The following SGCD variants were observed in gnomAD, a reference collection of about 807,000 sequenced individuals.
The protein encoded by SGCD is sarcoglycan delta.
Under a neutral mutation model 36.6 loss-of-function variants are expected in SGCD, and 18 were observed. That is an observed-to-expected ratio of 0.49 (90% confidence interval 0.34 to 0.73). SGCD has a LOEUF of 0.73. Ranked by LOEUF, SGCD falls within the 30% of genes least tolerant of loss-of-function variation. The pLI is 0.01. For synonymous variants in SGCD, 133 were observed against 130.6 expected (o/e 1.02, Z -0.12); for missense variants, 387 against 346.7 (o/e 1.12, Z -0.92).
At chr5:156,334,992 C>G (rs1263876548) in intron 2 of SGCD, among the ~76,000 whole-genome samples, 1 of 152,172 alleles carries the variant, frequency 6.6e-6, no homozygotes, top group Non-Finnish European at 1.5e-5. Flanking sequence ...AGTTCAGACC[C>G]TAACCAAGTT....
intron 1 of SGCD, among the ~76,000 whole-genome samples, chr5:156,102,602 T>A (rs921315462): frequency 6.6e-6 from 1 of 152,206 alleles, no homozygotes; most frequent in Admixed American, 6.5e-5. Context: ...TTCTGAGAAA[T>A]GTCTCCAAAG....
intron 6 of SGCD, among the ~76,000 whole-genome samples, chr5:156,600,236 C>A (rs975135746): frequency 6.6e-6 from 1 of 152,168 alleles, no homozygotes; most frequent in Non-Finnish European, 1.5e-5. Context: ...CACCCTCCTG[C>A]ACAATAGAAC....
chr5:156,285,351 A>T (rs1766565158), intron 3 of SGCD, among the ~76,000 whole-genome samples: 1 of 152,200 alleles, frequency 6.6e-6, no homozygotes, highest in Non-Finnish European at 1.5e-5. Context: ...ACCCAAAAAG[A>T]GCCTGCATTG....
intron 3 of SGCD, among the ~76,000 whole-genome samples, chr5:156,271,203 A>T: frequency 6.6e-6 from 1 of 152,198 alleles, no homozygotes; most frequent in East Asian, 1.9e-4. Flanking sequence ...TTTGGAGAAT[A>T]TCAAGGGTGG....
the SGCD span, among the ~76,000 whole-genome samples, chr5:155,849,420 C>G: frequency 1.3e-5 from 2 of 151,552 alleles, no homozygotes; most frequent in Admixed American, 1.3e-4. Context: ...CACCACCCCC[C>G]TCCACACACA....
chr5:156,330,329 A>G (rs760693089), intron 2 of SGCD, among the ~76,000 whole-genome samples: 3 of 152,164 alleles, frequency 2.0e-5, no homozygotes, highest in Non-Finnish European at 4.4e-5. Context: ...ACGTGCTGGT[A>G]CTGGGGGCAG....
At chr5:155,913,567 AC>A (rs1756675472) in intron 1 of SGCD, among the ~76,000 whole-genome samples, 1 of 152,096 alleles carries the variant, frequency 6.6e-6, no homozygotes, top group Non-Finnish European at 1.5e-5. Context: ...TCAATTAAAA[AC>A]GTTATCATAT....
intron 3 of SGCD, among the ~76,000 whole-genome samples, chr5:156,374,769 C>T (rs963590657): frequency 2.0e-5 from 3 of 149,764 alleles, no homozygotes; most frequent in African/African-American, 7.4e-5. Context: ...TCACGCCATT[C>T]TCCCAAAGCA....
rs180885312 is a variant in SGCD, at chr5:156,653,313, C to T, written c.575+5777C>T. ...TCGGGGTTTCAACTTCTTCCTGATT[C>T]AACCTTGGGAGGTTGTGTATTTCCA... On this transcript the variant is annotated intron_variant, in intron 7 of 8. Coordinates refer to ENST00000337851, the MANE Select transcript of SGCD (RefSeq NM_000337.6). Among the ~76,000 whole-genome samples, 7 of 151,970 alleles carry T rather than the reference C, an allele frequency of 4.6e-5. No homozygotes were observed. In the East Asian group the frequency reaches 1.4e-3, roughly 29 times the overall value.
In SGCD at chr5:156,545,475, G is replaced by A. The variant is rs370970572; in HGVS notation, c.294+36773G>A. Among the ~76,000 whole-genome samples, 19 of 152,032 alleles carry A rather than the reference G, an allele frequency of 1.2e-4. No individual in the cohort carries two copies. The East Asian group carries it at 1.4e-3, about 11-fold the overall frequency. On this transcript the variant is annotated intron_variant, in intron 4 of 8. Transcript: ENST00000337851. ...GACAATTTTTTCATGGACGGGAGTC[G>A]GGGTTGGGGGATGAGGGGGTAGTTG...
intron 3 of SGCD, among the ~76,000 whole-genome samples, chr5:156,477,704 A>T (rs1177055810): frequency 1.3e-5 from 2 of 150,868 alleles, no homozygotes; most frequent in Non-Finnish European, 3.0e-5. Flanking sequence ...AAAAAAAAAA[A>T]GTGATGTCAA....
chr5:156,575,884 A>G (rs1759922959), intron 4 of SGCD, among the ~76,000 whole-genome samples: 1 of 152,150 alleles, frequency 6.6e-6, no homozygotes, highest in Non-Finnish European at 1.5e-5. Flanking sequence ...AGGGGAGAGT[A>G]TATTGAATTG....
chr5:156,554,599 A>G (rs571744561), intron 4 of SGCD, among the ~76,000 whole-genome samples: 1 of 149,290 alleles, frequency 6.7e-6, no homozygotes, highest in Non-Finnish European at 1.5e-5. Context: ...GTATATATAT[A>G]TGCATATAAC....
At position 156,084,354 on chromosome 5, in the gene SGCD, G is replaced by C. The variant is rs867733453; in HGVS notation, c.-281-33524G>C. Among the ~76,000 whole-genome samples the C allele has an allele frequency of 4.6e-5, 7 of 152,132 alleles. 1 individual carries two copies. The highest frequency in any genetic ancestry group is 7.4e-5 in the Non-Finnish European group (5 of 68,022). ...CACAGTATTTCATTTTCTTATGAATGACTATAGATGGTGTTATTGCTTAAT... is the reference window on the plus strand; with the variant it reads ...CACAGTATTTCATTTTCTTATGAATCACTATAGATGGTGTTATTGCTTAAT... On this transcript the variant is annotated intron_variant, in intron 1 of 9. Coordinates refer to the SGCD transcript ENST00000517913.
intron 6 of SGCD, among the ~76,000 whole-genome samples, chr5:156,615,180 G>C (rs1038470345): frequency 1.3e-5 from 2 of 152,134 alleles, no homozygotes; most frequent in Non-Finnish European, 2.9e-5. Context: ...CAACTAAGAG[G>C]CATCTTCAGT....
rs536085314 is a variant in SGCD, at chr5:156,762,145, C to T, written c.*2755C>T. ...TTTTACATTAAAAATCTACTAACGC[C>T]TACTTTTTAAAAAATGAGATTCTTT... is the stretch of plus-strand genomic sequence containing the variant. On this transcript the variant is annotated 3_prime_UTR_variant, in exon 9 of 9. Transcript: ENST00000337851. 55 of 152,530 alleles carry T rather than the reference C, an allele frequency of 3.6e-4. No individual in the cohort carries two copies. Among genetic ancestry groups the T allele is most frequent in the African/African-American group, 1.3e-3 (54 of 41,478 alleles). 9.4% of individuals were successfully genotyped at this position (152,530 alleles called of 1,614,324 possible).
the SGCD span, among the ~76,000 whole-genome samples, chr5:155,844,449 G>GTGTGTGTGTGTGTT: frequency 6.6e-6 from 1 of 151,826 alleles, no homozygotes; most frequent in Middle Eastern, 3.2e-3. Context: ...GTGTGTGTGT[G>GTGTGTGTGTGTGTT]TGTGTGTTAT....
At chr5:155,731,219 G>C in the SGCD span, among the ~76,000 whole-genome samples, 1 of 151,986 alleles carries the variant, frequency 6.6e-6, no homozygotes, top group African/African-American at 2.4e-5. Flanking sequence ...AGACAAGAAA[G>C]TTACAGGGTA....
At position 156,145,540 on chromosome 5, in the gene SGCD, TC is replaced by T. The variant is rs1380235736; in HGVS notation, c.-44+21522del. Among the ~76,000 whole-genome samples the T allele has an allele frequency of 1.1e-4, 16 of 152,356 alleles. 1 individual carries two copies. The South Asian group carries it at 3.1e-3, about 30-fold the overall frequency. On this transcript the variant is annotated intron_variant, in intron 3 of 9. Coordinates refer to the SGCD transcript ENST00000517913. The stretch of plus-strand genomic sequence containing the variant: ...CCCTCTATATCCTTTTTGAATCTAT[TC>T]TTTGAAATTAAGAATGAATTTTATG...
Sources: allele counts gnomAD v4.1 joint callset (sites outside exome capture counted in the v4.1 genomes callset), GRCh38; gene constraint gnomAD v4.1.1; transcripts MANE v1.5; gene names NCBI Gene and HGNC (gene_info 2026-07-23, HGNC 2026-07-21).